The following GOLGA4 variants were observed in gnomAD, a reference collection of about 807,000 sequenced individuals.
The protein encoded by GOLGA4 is golgin subfamily A member 4.
Under a neutral mutation model 265.9 loss-of-function variants are expected in GOLGA4, and 169 were observed. The ratio of observed to expected loss-of-function variants is 0.64; its 90% CI spans 0.56 to 0.72. GOLGA4 has a LOEUF of 0.72. Among genes scored for constraint, GOLGA4 ranks in the 30% least tolerant of loss-of-function variants. The pLI is 0.00. For missense variants in GOLGA4, 2,482 were observed against 2,483.4 expected (o/e 1.00, Z 0.01); for synonymous variants, 923 against 855.8 (o/e 1.08, Z -1.37).
chr3:37,274,560 G>A (rs1040384824), intron 2 of GOLGA4, among the ~76,000 whole-genome samples: 2 of 152,082 alleles, frequency 1.3e-5, no homozygotes, highest in African/African-American at 4.8e-5. Flanking sequence ...TGGGTGTGGT[G>A]GTGTGTGCCT....
intron 10 of GOLGA4, among the ~76,000 whole-genome samples, chr3:37,307,762 T>G (rs1027146198): frequency 7.2e-5 from 11 of 152,216 alleles, no homozygotes; most frequent in Admixed American, 1.3e-4. Context: ...AATGCAATTA[T>G]TTATGTCTCC....
chr3:37,243,656 G>A, intron 1 of GOLGA4, 34 bp downstream of exon 1: 3 of 1,577,256 alleles, frequency 1.9e-6, no homozygotes, highest in East Asian at 4.5e-5. Context: ...CCCTGGTTCC[G>A]AATACCTCTT....
At chr3:37,329,721 G>A (rs912385968) in intron 16 of GOLGA4, among the ~76,000 whole-genome samples, 1 of 152,122 alleles carries the variant, frequency 6.6e-6, no homozygotes, top group Admixed American at 6.6e-5. Context: ...AATAAGATAA[G>A]CCATGAAGAT....
chr3:37,294,120 CAG>C (rs1458654060), intron 5 of GOLGA4, among the ~76,000 whole-genome samples: 5 of 152,098 alleles, frequency 3.3e-5, no homozygotes, highest in African/African-American at 1.2e-4. Context: ...GCTGGTTTTG[CAG>C]AGAGACAAAA....
rs771569848 is a variant in GOLGA4, at chr3:37,321,762, G to A, written c.1577G>A (p.Ser526Asn). The change falls in exon 13 of 24, where the codon AGC becomes AAC. Residue 526 changes from serine to asparagine, a missense_variant. Around this residue, in one of 3 missense-constraint regions of GOLGA4, gnomAD observed 1,536 missense variants for 1,483.7 expected, o/e 1.04. Transcript: ENST00000361924. The part of the protein sequence containing the change: ...EKSQSEYLKI[S>N]QEKEQQESLA... ...AGTCAATCAGAATATTTGAAGATCA[G>A]CCAAGAAAAAGAACAGCAAGAATCT... is the stretch of plus-strand genomic sequence containing the variant. The A allele has an allele frequency of 1.9e-6, 3 of 1,611,172 alleles. No homozygotes were observed. In the South Asian group the frequency reaches 3.3e-5, roughly 18 times the overall value.
At chr3:37,301,206 G>C (rs2096891691) in intron 9 of GOLGA4, among the ~76,000 whole-genome samples, 1 of 152,116 alleles carries the variant, frequency 6.6e-6, no homozygotes, top group East Asian at 1.9e-4. Context: ...TTTTTTGTTA[G>C]TCCTAAATGA....
intron 5 of GOLGA4, among the ~76,000 whole-genome samples, chr3:37,293,786 G>A (rs1170808552): frequency 6.6e-6 from 1 of 152,144 alleles, no homozygotes; most frequent in Non-Finnish European, 1.5e-5. Flanking sequence ...AGCTTCCATA[G>A]GTCATTTTGT....
intron 1 of GOLGA4, among the ~76,000 whole-genome samples, chr3:37,248,502 G>C (rs1449082437): frequency 3.3e-5 from 5 of 152,150 alleles, no homozygotes; most frequent in Admixed American, 3.3e-4. Context: ...GCCCATTAAG[G>C]AACCAGGCAC....
rs1578707876 is a variant in GOLGA4 at position 37,325,634 on chromosome 3, A to G, written c.3748A>G (p.Ile1250Val). 1 of 1,613,888 alleles carries G rather than the reference A, an allele frequency of 6.2e-7. No homozygotes were observed. ...SSKTNAILSR[I>V]SHCQHRTTKV... ...TAAAACTAATGCCATTCTTTCTAGG[A>G]TTTCTCATTGTCAGCACCGTACAAC... is the stretch of plus-strand genomic sequence containing the variant. Residue 1250 changes from isoleucine to valine, a missense_variant, in exon 14 of 24, where the codon ATT (isoleucine) becomes GTT (valine). Ile to Val is a conservative substitution (Grantham distance 29, BLOSUM62 3). Around this residue, in one of 3 missense-constraint regions of GOLGA4, gnomAD observed 1,536 missense variants for 1,483.7 expected, o/e 1.04. Transcript: ENST00000361924.
At chr3:37,254,015 C>CAA (rs57893128) in intron 2 of GOLGA4, among the ~76,000 whole-genome samples, 4 of 126,542 alleles carry the variant, frequency 3.2e-5, no homozygotes, top group Admixed American at 8.0e-5. Flanking sequence ...GACACAGTCT[C>CAA]AAAAAAAAAA....
At chr3:37,362,026 T>G (rs1029824578) in intron 23 of GOLGA4, among the ~76,000 whole-genome samples, 2 of 152,218 alleles carry the variant, frequency 1.3e-5, no homozygotes, top group Non-Finnish European at 2.9e-5. Context: ...AAATGTACCA[T>G]ACATCTTTAC....
At chr3:37,258,699 C>T (rs2096761297) in intron 2 of GOLGA4, among the ~76,000 whole-genome samples, 1 of 152,108 alleles carries the variant, frequency 6.6e-6, no homozygotes, top group South Asian at 2.1e-4. Context: ...GGCTTAAAGG[C>T]ATCGTTTTAG....
rs1374945974 is a variant in GOLGA4, at chr3:37,275,235, A to G, written c.163-6723A>G. On this transcript the variant is annotated intron_variant, in intron 2 of 23. Coordinates refer to ENST00000361924, the MANE Select transcript of GOLGA4 (RefSeq NM_002078.5). Reference sequence around the variant, plus strand: ...CGTCTCAAAAAAAAAAAAAAAAAAAAAAAAAAGAAAAAAAAAACCCCAAAA... The same window carrying G: ...CGTCTCAAAAAAAAAAAAAAAAAAAGAAAAAAGAAAAAAAAAACCCCAAAA... Among the ~76,000 whole-genome samples, 762 of 150,100 alleles carry G rather than the reference A, an allele frequency of 5.1e-3. 9 individuals are homozygous for G. Among genetic ancestry groups the G allele is most frequent in the African/African-American group, 0.017 (702 of 40,738 alleles).
chr3:37,264,008 T>A (rs2096777130), intron 2 of GOLGA4, among the ~76,000 whole-genome samples: 1 of 152,206 alleles, frequency 6.6e-6, no homozygotes, highest in South Asian at 2.1e-4. Flanking sequence ...CAACAAAGAT[T>A]TCTTAGGCTT....
chr3:37,279,968 A>G (rs1488102879), intron 2 of GOLGA4, among the ~76,000 whole-genome samples: 1 of 151,870 alleles, frequency 6.6e-6, no homozygotes, highest in Non-Finnish European at 1.5e-5. Context: ...TAGTGGATCC[A>G]TTTCCTGGTC....
chr3:37,322,812 T>C (rs569164764), intron 13 of GOLGA4, among the ~76,000 whole-genome samples: 4 of 152,022 alleles, frequency 2.6e-5, no homozygotes, highest in African/African-American at 7.2e-5. Context: ...AAAATTCATA[T>C]AAGTTCCTTC....
intron 15 of GOLGA4, 150 bp downstream of exon 15, chr3:37,328,687 C>A: frequency 1.2e-6 from 1 of 807,362 alleles, no homozygotes; most frequent in Non-Finnish European, 1.9e-6. Flanking sequence ...TGGGAACCTG[C>A]CCTGCTTGGC....
chr3:37,278,423 GA>G (rs927016878), intron 2 of GOLGA4, among the ~76,000 whole-genome samples: 25 of 152,074 alleles, frequency 1.6e-4, no homozygotes, highest in African/African-American at 5.8e-4. Context: ...GTCTGGTCTT[GA>G]ACTCCTGACC....
At chr3:37,304,210 A>G (rs1380709414) in intron 10 of GOLGA4, among the ~76,000 whole-genome samples, 3 of 152,312 alleles carry the variant, frequency 2.0e-5, no homozygotes, top group Non-Finnish European at 2.9e-5. Context: ...GAATTTGGCA[A>G]GGATTTGATT....
Sources: gnomAD v4.1 joint callset for allele counts (sites outside exome capture counted in the v4.1 genomes callset) on GRCh38, gnomAD v4.1.1 for gene constraint, gnomAD v4.1.1 regional missense constraint, MANE v1.5 for transcripts, NCBI Gene and HGNC (gene_info 2026-07-23, HGNC 2026-07-21) for gene names.